MTUS2: variants seen among roughly 807,000 people sequenced by gnomAD.
The protein encoded by MTUS2 is microtubule-associated tumor suppressor candidate 2.
A neutral mutation model predicts 114.1 loss-of-function variants in MTUS2; 40 were observed. The observed-to-expected ratio is 0.35, with a 90% confidence interval of 0.27 to 0.46. The LOEUF (loss-of-function observed/expected upper bound fraction) is 0.46, where lower values mean the gene tolerates loss of function less well. Among genes scored for constraint, MTUS2 ranks in the 20% least tolerant of loss-of-function variants. The probability of loss-of-function intolerance (pLI) is 1.00; values close to 1 mark genes in which losing one functional copy is unlikely to be tolerated. For missense variants in MTUS2, 1,679 were observed against 1,705.4 expected (o/e 0.98, Z 0.27); for synonymous variants, 688 against 672.0 (o/e 1.02, Z -0.37).
At chr13:28,996,250 A>G (rs978110369) in intron 2 of MTUS2, among the ~76,000 whole-genome samples, 4 of 152,176 alleles carry the variant, frequency 2.6e-5, no homozygotes, top group African/African-American at 9.7e-5. Flanking sequence ...GATGAAGCCC[A>G]CTTGATCATG....
intron 5 of MTUS2, among the ~76,000 whole-genome samples, chr13:29,160,187 A>G (rs1484711335): frequency 6.6e-6 from 1 of 152,152 alleles, no homozygotes; most frequent in Non-Finnish European, 1.5e-5. Flanking sequence ...ACCACAGTTG[A>G]CCCTTGAGCA....
chr13:29,019,259 A>C (rs1196142369), intron 2 of MTUS2, among the ~76,000 whole-genome samples: 1 of 152,176 alleles, frequency 6.6e-6, no homozygotes, highest in Non-Finnish European at 1.5e-5. Flanking sequence ...AGTGCTGATC[A>C]GATGAGCATT....
intron 7 of MTUS2, among the ~76,000 whole-genome samples, chr13:29,354,582 A>G (rs1016264443): frequency 2.6e-5 from 4 of 152,156 alleles, no homozygotes; most frequent in Admixed American, 6.5e-5. Flanking sequence ...CTGTACATCA[A>G]AATAAAAAAG....
At chr13:29,236,463 G>T (rs1419052395) in intron 5 of MTUS2, among the ~76,000 whole-genome samples, 1 of 152,216 alleles carries the variant, frequency 6.6e-6, no homozygotes, top group African/African-American at 2.4e-5. Context: ...TAGAAAGCTG[G>T]AGTGAACTGT....
intron 2 of MTUS2, among the ~76,000 whole-genome samples, chr13:28,982,000 C>T (rs978741937): frequency 2.0e-5 from 3 of 152,126 alleles, no homozygotes; most frequent in Non-Finnish European, 2.9e-5. Flanking sequence ...CTTGTTTCTT[C>T]GTGGCATAGG....
intron 8 of MTUS2, among the ~76,000 whole-genome samples, chr13:29,368,227 T>C (rs9508420): frequency 0.65 from 97,881 of 150,930 alleles, 31,931 homozygotes; most frequent in East Asian, 0.75. Flanking sequence ...CGTGAGCCAC[T>C]GCACCCAGCC....
At chr13:29,452,234 A>T (rs1261079892) in intron 9 of MTUS2, among the ~76,000 whole-genome samples, 3 of 152,206 alleles carry the variant, frequency 2.0e-5, no homozygotes, top group African/African-American at 7.2e-5. Flanking sequence ...AAACTGCTAC[A>T]CTTTGAGAAA....
chr13:29,444,668 G>T lies in MTUS2; in HGVS notation c.3184+4619G>T, dbSNP rs144817638. Among the ~76,000 whole-genome samples the T allele has an allele frequency of 3.9e-5, 6 of 152,346 alleles. No individual in the cohort carries two copies. In the East Asian group the frequency reaches 1.2e-3, roughly 29 times the overall value. On this transcript the variant is annotated intron_variant, in intron 9 of 15. Transcript: ENST00000612955. ...GAGTTTGATTTGGGCCAGGGACAGG[G>T]TTGAGGCAGGGAGTATATCATTTGG...
chr13:29,055,755 G>T (rs1327569407), intron 4 of MTUS2, among the ~76,000 whole-genome samples: 1 of 151,984 alleles, frequency 6.6e-6, no homozygotes, highest in African/African-American at 2.4e-5. Context: ...CATTCTAACT[G>T]GTGTGAGATG....
intron 9 of MTUS2, among the ~76,000 whole-genome samples, chr13:29,456,167 T>C (rs1039050961): frequency 6.6e-6 from 1 of 152,098 alleles, no homozygotes; most frequent in Non-Finnish European, 1.5e-5. Flanking sequence ...AAAACTATTA[T>C]AAAAGAACCA....
chr13:29,245,944 G>T (rs140912619), intron 5 of MTUS2, among the ~76,000 whole-genome samples: 144 of 152,196 alleles, frequency 9.5e-4, no homozygotes, highest in African/African-American at 3.4e-3. Flanking sequence ...TGATCTGCCC[G>T]CCTAGGCCTC....
rs146141310 is a variant in MTUS2 at position 29,000,404 on chromosome 13, C to T, written c.-242-24053C>T. 9.9e-5 allele frequency among the ~76,000 whole-genome samples: 15 copies of T among 151,898 alleles called. No homozygotes were observed. In the East Asian group the frequency reaches 2.9e-3, roughly 29 times the overall value. On this transcript the variant is annotated intron_variant, in intron 2 of 15. Transcript: ENST00000612955. Reference sequence around the variant, plus strand: ...TGAGTTGGAGTTTCATTCTTGTTGCCCAGGCTGTAGTGCAGTGGCGTGATC... The same window carrying T: ...TGAGTTGGAGTTTCATTCTTGTTGCTCAGGCTGTAGTGCAGTGGCGTGATC...
intron 8 of MTUS2, among the ~76,000 whole-genome samples, chr13:29,362,609 C>T (rs1390308309): frequency 6.6e-6 from 1 of 152,106 alleles, no homozygotes; most frequent in African/African-American, 2.4e-5. Flanking sequence ...ATTGCTTGAA[C>T]CCAGGAGACG....
chr13:29,479,802 G>A (rs1414861301), intron 9 of MTUS2, among the ~76,000 whole-genome samples: 5 of 152,134 alleles, frequency 3.3e-5, no homozygotes, highest in Admixed American at 1.3e-4. Context: ...TTTACCAAAC[G>A]CCCAATATTT....
intron 5 of MTUS2, among the ~76,000 whole-genome samples, chr13:29,149,277 G>A (rs996097362): frequency 4.6e-5 from 7 of 152,172 alleles, no homozygotes; most frequent in Non-Finnish European, 1.0e-4. Flanking sequence ...AATGATCAAT[G>A]ATATTGAGCT....
chr13:29,286,507 G>C (rs1245768266), intron 6 of MTUS2, among the ~76,000 whole-genome samples: 1 of 152,078 alleles, frequency 6.6e-6, no homozygotes, highest in Non-Finnish European at 1.5e-5. Flanking sequence ...GAGAGTGGCT[G>C]TTTTCATGGA....
rs778713379 is a variant in MTUS2, at chr13:29,492,633, G to C, written c.3506-13G>C. The C allele has an allele frequency of 6.2e-7, 1 of 1,607,698 alleles. No homozygotes were observed. The highest frequency in any genetic ancestry group is 1.1e-5 in the South Asian group (1 of 90,724). On this transcript the variant is annotated splice_polypyrimidine_tract_variant and intron_variant, in intron 11 of 15. Coordinates refer to ENST00000612955, the MANE Select transcript of MTUS2 (RefSeq NM_001033602.4). ...AGAAAGACCAACTTGACAATTTAAT[G>C]TCTTCTTTCCAGAATTGATGTCCAC...
chr13:29,314,380 G>A (rs911309907), intron 6 of MTUS2, among the ~76,000 whole-genome samples: 1 of 151,998 alleles, frequency 6.6e-6, no homozygotes, highest in Admixed American at 6.6e-5. Flanking sequence ...TTAAACCCAG[G>A]GAAAACAAAA....
At chr13:29,345,976 G>T (rs1442650657) in intron 7 of MTUS2, among the ~76,000 whole-genome samples, 1 of 152,174 alleles carries the variant, frequency 6.6e-6, no homozygotes, top group Non-Finnish European at 1.5e-5. Flanking sequence ...CTGGTACTGG[G>T]GAGTATCTGC....
Sources: gnomAD v4.1 joint callset for allele counts (sites outside exome capture counted in the v4.1 genomes callset) on GRCh38, gnomAD v4.1.1 for gene constraint, MANE v1.5 for transcripts, NCBI Gene and HGNC (gene_info 2026-07-23, HGNC 2026-07-21) for gene names.